NCOR2: variants seen among roughly 807,000 people sequenced by gnomAD.
NCOR2 encodes the protein nuclear receptor corepressor 2.
In NCOR2, 81 loss-of-function variants were observed where a neutral mutation model predicts 262.9. That is an observed-to-expected ratio of 0.31 (90% CI 0.26 to 0.37). The LOEUF is 0.37. Among genes scored for constraint, NCOR2 ranks in the 10% least tolerant of loss-of-function variants. The pLI is 1.00. For synonymous variants in NCOR2, 1,659 were observed against 1,559.3 expected (o/e 1.06, Z -1.51); for missense variants, 3,385 against 3,621.4 (o/e 0.93, Z 1.68).
In NCOR2 at chr12:124,326,322, G is replaced by A. The variant is rs758304924; in HGVS notation, c.7232C>T (p.Ala2411Val). ...TGCCAGGCCCGGGGCCGGGGACTTG[G>A]CTTTTCGGCTGCTGGGTCTGCCAGA... is the stretch of plus-strand genomic sequence containing the variant. Residue 2411 changes from alanine to valine, a missense_variant, in exon 46 of 47, where the codon GCC becomes GTC. By Grantham distance (64) the Ala-to-Val change is moderately conservative. Coordinates refer to ENST00000405201, the Ensembl canonical transcript of NCOR2. 1.3e-5 allele frequency: 20 copies of A among 1,541,058 alleles called. No homozygotes were observed. In the South Asian group the frequency reaches 2.4e-4, roughly 19 times the overall value.
intron 1 of NCOR2, among the ~76,000 whole-genome samples, chr12:124,509,283 A>C: frequency 6.7e-6 from 1 of 150,362 alleles, no homozygotes; most frequent in African/African-American, 2.5e-5. Context: ...AGGCAACAAA[A>C]CTCATTCCCA....
chr12:124,481,065 G>A lies in NCOR2; in HGVS notation c.411+2531C>T, dbSNP rs1346489167. ...TGGTAGGGAGGTTGCCCCAGGGGATGAGCAGGGAGAGATGGCAGGAGCTGA... is the reference window on the plus strand; with the variant it reads ...TGGTAGGGAGGTTGCCCCAGGGGATAAGCAGGGAGAGATGGCAGGAGCTGA... On this transcript the variant is annotated intron_variant, in intron 3 of 46. Transcript: ENST00000405201. The surrounding 1 kb of genome is among the most constrained non-coding windows in gnomAD (Gnocchi z 4.6). 6.6e-6 allele frequency among the ~76,000 whole-genome samples: 1 copy of A among 151,766 alleles called. No homozygotes were observed. Among genetic ancestry groups the A allele is most frequent in the African/African-American group, 2.4e-5 (1 of 41,266 alleles).
chr12:124,393,669 C>T (rs2136161834), intron 16 of NCOR2, among the ~76,000 whole-genome samples: 1 of 152,368 alleles, frequency 6.6e-6, no homozygotes, highest in Middle Eastern at 3.4e-3. Context: ...TCCTACTCTG[C>T]AAGTAGAGTG....
At position 124,548,173 on chromosome 12, in the gene NCOR2, C is replaced by CT. The variant is rs1255648232; in HGVS notation, c.-164-12563dup. On this transcript the variant is annotated intron_variant, in intron 1 of 32. Coordinates refer to the NCOR2 transcript ENST00000458234. This position sits in a 1 kb window ranked among gnomAD's most constrained non-coding sequence, Gnocchi z 5.1. Reference sequence around the variant, plus strand: ...TCAGGCCTCCTAAACGTGCACTGAGCTGGGACCTGAATGGCAGCAAGGAGC... The same window carrying CT: ...TCAGGCCTCCTAAACGTGCACTGAGCTTGGGACCTGAATGGCAGCAAGGAGC... 1.3e-5 allele frequency among the ~76,000 whole-genome samples: 2 copies of CT among 152,090 alleles called. No individual in the cohort carries two copies. Among genetic ancestry groups the CT allele is most frequent in the Non-Finnish European group, 2.9e-5 (2 of 68,000 alleles).
At position 124,481,196 on chromosome 12, in the gene NCOR2, G is replaced by A. The variant is rs1366362703; in HGVS notation, c.411+2400C>T. On this transcript the variant is annotated intron_variant, in intron 3 of 46. Coordinates refer to ENST00000405201, the Ensembl canonical transcript of NCOR2. This position sits in a 1 kb window ranked among gnomAD's most constrained non-coding sequence, Gnocchi z 4.6. Reference sequence around the variant, plus strand: ...GGAAGGTGTAGAAGGAGAGAAGGAAGGGGAGGAAGGGCAGGAAGGATGTGC... The same window carrying A: ...GGAAGGTGTAGAAGGAGAGAAGGAAAGGGAGGAAGGGCAGGAAGGATGTGC... 6.6e-6 allele frequency among the ~76,000 whole-genome samples: 1 copy of A among 151,888 alleles called. No individual in the cohort carries two copies. Among genetic ancestry groups the A allele is most frequent in the African/African-American group, 2.4e-5 (1 of 41,326 alleles).
In NCOR2 at chr12:124,457,063, CCCCCGCCCT is replaced by C; in HGVS notation, c.762+34_762+42del. 1.7e-6 allele frequency: 2 copies of C among 1,183,502 alleles called. No individual in the cohort carries two copies. Among genetic ancestry groups the C allele is most frequent in the Non-Finnish European group, 1.2e-6 (1 of 851,954 alleles). 73.3% of individuals were successfully genotyped at this position (1,183,502 alleles called of 1,614,324 possible). ...GCCTCCCTGCCCACCTCTCCAGCCA[CCCCCGCCCT>C]CCCCTGAGCCCCTGACCCTGTACCC... is the stretch of plus-strand genomic sequence containing the variant. On this transcript the variant is annotated intron_variant, in intron 6 of 46. Coordinates refer to ENST00000405201, the Ensembl canonical transcript of NCOR2. This position sits in a 1 kb window ranked among gnomAD's most constrained non-coding sequence, Gnocchi z 4.0.
At position 124,337,335 on chromosome 12, in the gene NCOR2, G is replaced by A. The variant is rs139726246; in HGVS notation, c.5688-155C>T. ...GACTGTAACCTGCCAGACTCTGTGC[G>A]TCATGGTTTGACCCATCCCACTCAT... is the stretch of plus-strand genomic sequence containing the variant. On this transcript the variant is annotated intron_variant, in intron 37 of 46. Coordinates refer to ENST00000405201, the Ensembl canonical transcript of NCOR2. 1,098 of 888,824 alleles carry A rather than the reference G, an allele frequency of 1.2e-3. 12 individuals carry two copies. In the African/African-American group the frequency reaches 0.015, roughly 12 times the overall value. 55.1% of individuals were successfully genotyped at this position (888,824 alleles called of 1,614,324 possible).
At chr12:124,379,863 A>G (rs1306575814) in intron 17 of NCOR2, among the ~76,000 whole-genome samples, 1 of 152,234 alleles carries the variant, frequency 6.6e-6, no homozygotes, top group Non-Finnish European at 1.5e-5. Flanking sequence ...GCCCTGTGGC[A>G]GTGGAGGCAC....
chr12:124,372,531 C>A (rs1236420216), exon 20 of NCOR2: 3 of 1,596,096 alleles, frequency 1.9e-6, no homozygotes, highest in Admixed American at 1.7e-5. Context: ...GGGGCTTGGG[C>A]CCATTCTGCC....
At chr12:124,325,383 C>CCCCCG (rs1555297253) in exon 47 of NCOR2, 2 of 440,024 alleles carry the variant, frequency 4.5e-6, no homozygotes, top group Non-Finnish European at 7.0e-6. Context: ...CACCGCCCCC[C>CCCCCG]CCCCCGCCCT....
At chr12:124,451,864 A>AG (rs1341922149) in intron 6 of NCOR2, among the ~76,000 whole-genome samples, 11 of 141,690 alleles carry the variant, frequency 7.8e-5, no homozygotes, top group Non-Finnish European at 1.5e-4. Context: ...TCCCCAGGGA[A>AG]GGGCCTCTGC....
At chr12:124,406,101 G>A (rs1389949836) in intron 13 of NCOR2, among the ~76,000 whole-genome samples, 1 of 152,178 alleles carries the variant, frequency 6.6e-6, no homozygotes, top group Non-Finnish European at 1.5e-5. Context: ...GCTTTACCAG[G>A]GACTGGCAAA....
At chr12:124,343,937 T>G (rs1380336485) in intron 32 of NCOR2, among the ~76,000 whole-genome samples, 1 of 152,140 alleles carries the variant, frequency 6.6e-6, no homozygotes, top group Non-Finnish European at 1.5e-5. Context: ...CGGAAGACAA[T>G]TTTAAAATGT....
intron 1 of NCOR2, among the ~76,000 whole-genome samples, chr12:124,492,710 A>G (rs1488742238): frequency 6.6e-6 from 1 of 152,142 alleles, no homozygotes; most frequent in Non-Finnish European, 1.5e-5. Context: ...CTTGCCCTTT[A>G]AAAGGACAGG....
At chr12:124,431,620 G>A (rs2043943618) in intron 8 of NCOR2, among the ~76,000 whole-genome samples, 1 of 146,686 alleles carries the variant, frequency 6.8e-6, no homozygotes, top group African/African-American at 2.6e-5. Context: ...CATACAGTCA[G>A]ACAGATATAC....
rs1022456243 is a variant in NCOR2 at position 124,457,301 on chromosome 12, G to A, written c.706-139C>T. 11 of 923,622 alleles carry A rather than the reference G, an allele frequency of 1.2e-5. No homozygotes were observed. Among genetic ancestry groups the A allele is most frequent in the African/African-American group, 1.8e-5 (1 of 55,660 alleles). 57.2% of individuals were successfully genotyped at this position (923,622 alleles called of 1,614,324 possible). A position where few individuals can be genotyped will look rare whatever the true frequency, so the allele number is the denominator to read the frequency against. On this transcript the variant is annotated intron_variant, in intron 5 of 46. Coordinates refer to ENST00000405201, the Ensembl canonical transcript of NCOR2. The surrounding 1 kb of genome is among the most constrained non-coding windows in gnomAD (Gnocchi z 4.0). ...TCCTCAGCACGGGGGAGGGAGGCCC[G>A]GGGCCCCCTGCAGGCCCTCCCCACG...
intron 34 of NCOR2, among the ~76,000 whole-genome samples, chr12:124,341,491 C>T (rs912980252): frequency 9.2e-5 from 14 of 152,232 alleles, no homozygotes; most frequent in African/African-American, 3.1e-4. Flanking sequence ...CCTGCCTCGC[C>T]CTCCCCAAGT....
upstream of NCOR2, among the ~76,000 whole-genome samples, chr12:124,497,487 C>T (rs1390799386): frequency 5.3e-5 from 8 of 152,186 alleles, no homozygotes; most frequent in African/African-American, 1.7e-4. The surrounding 1 kb of genome is among the most constrained non-coding windows in gnomAD (Gnocchi z 4.2). Flanking sequence ...ATTACCCAGG[C>T]GACAGCCGTC....
intron 13 of NCOR2, among the ~76,000 whole-genome samples, chr12:124,410,400 C>T (rs1042283417): frequency 1.4e-4 from 21 of 151,948 alleles, no homozygotes; most frequent in Admixed American, 7.9e-4. Flanking sequence ...GACTGCAGGA[C>T]GTGGGGAGCC....
Sources: gnomAD v4.1 joint callset for allele counts (sites outside exome capture counted in the v4.1 genomes callset) on GRCh38, gnomAD v4.1.1 for gene constraint, Gnocchi (gnomAD v3.1) non-coding constraint, MANE v1.5 for transcripts, NCBI Gene and HGNC (gene_info 2026-07-23, HGNC 2026-07-21) for gene names.